Variants in SERPINA10 observed in about 807,000 individuals in gnomAD.
SERPINA10 encodes the protein protein Z-dependent protease inhibitor.
Under a neutral mutation model 28.0 loss-of-function variants are expected in SERPINA10, and 24 were observed. The observed-to-expected ratio is 0.86, with a 90% CI of 0.62 to 1.20. SERPINA10 has a LOEUF of 1.20. Among genes scored for constraint, SERPINA10 ranks in the 50% most tolerant of loss-of-function variants. SERPINA10 has a pLI of 0.00. For synonymous variants in SERPINA10, 207 were observed against 203.9 expected (o/e 1.02, Z -0.13); for missense variants, 521 against 537.7 (o/e 0.97, Z 0.31).
intron 1 of SERPINA10, among the ~76,000 whole-genome samples, chr14:94,292,167 C>T (rs1895194378): frequency 6.6e-6 from 1 of 152,152 alleles, no homozygotes; most frequent in South Asian, 2.1e-4. Flanking sequence ...ATTGTGATGG[C>T]AATAGAGTTG....
intron 1 of SERPINA10, among the ~76,000 whole-genome samples, chr14:94,291,362 C>A (rs181226979): frequency 6.6e-6 from 1 of 152,180 alleles, no homozygotes; most frequent in Admixed American, 6.5e-5. Context: ...TCTCACTGTC[C>A]TAGGCTGCAG....
At chr14:94,286,737 A>G (rs1167094201) in intron 3 of SERPINA10, among the ~76,000 whole-genome samples, 2 of 152,178 alleles carry the variant, frequency 1.3e-5, no homozygotes, top group Non-Finnish European at 2.9e-5. Flanking sequence ...CTTTGAAAAT[A>G]TGTTGCTTGA....
chr14:94,292,098 TTTA>T (rs1428868424), intron 1 of SERPINA10, among the ~76,000 whole-genome samples: 1 of 152,210 alleles, frequency 6.6e-6, no homozygotes, highest in Non-Finnish European at 1.5e-5. Flanking sequence ...GTTTCACGCT[TTTA>T]TTGTTATGGA....
chr14:94,285,295 C>G (rs748353217), intron 4 of SERPINA10, among the ~76,000 whole-genome samples: 15 of 152,108 alleles, frequency 9.9e-5, no homozygotes, highest in Non-Finnish European at 2.1e-4. Context: ...CTCTGGACAA[C>G]AAGCAGTTCC....
At position 94,281,676 on chromosome 14, in the gene SERPINA10, A is replaced by C. The variant is rs1438984149; in HGVS notation, c.*2289T>G. ...TGAGGGAACATTAAAAAGTATATTTAAAATATAGAATAGGTCCATTTTCTA... is the reference window on the plus strand; with the variant it reads ...TGAGGGAACATTAAAAAGTATATTTCAAATATAGAATAGGTCCATTTTCTA... On this transcript the variant is annotated 3_prime_UTR_variant, in exon 5 of 5. Transcript: ENST00000261994. 2 of 152,180 alleles carry C rather than the reference A, an allele frequency of 1.3e-5. No individual in the cohort carries two copies. Among genetic ancestry groups the C allele is most frequent in the Admixed American group, 6.5e-5 (1 of 15,278 alleles). The allele number at this position is 152,180 out of a possible 1,614,324, so 9.4% of individuals were successfully genotyped here.
intron 1 of SERPINA10, among the ~76,000 whole-genome samples, chr14:94,290,995 C>T (rs1394967695): frequency 1.3e-5 from 2 of 152,104 alleles, no homozygotes. Context: ...AATCAGGGGT[C>T]CTCACACACC....
In SERPINA10 at chr14:94,288,233, G is replaced by A. The variant is rs141077048; in HGVS notation, c.992+53C>T. The A allele has an allele frequency of 1.2e-4, 187 of 1,604,788 alleles. No individual in the cohort carries two copies. The East Asian group carries it at 2.0e-3, about 17-fold the overall frequency. The stretch of plus-strand genomic sequence containing the variant: ...TGCATTCAATGAAATTGTGCTGAGC[G>A]TTTGCCAGTACAGAAAGGTAGAGTT... On this transcript the variant is annotated intron_variant, in intron 3 of 4. Transcript: ENST00000261994.
rs1894947122 is a variant in SERPINA10, at chr14:94,283,544, A to G, written c.*421T>C. The G allele has an allele frequency of 4.5e-6, 1 of 221,128 alleles. No homozygotes were observed. Among genetic ancestry groups the G allele is most frequent in the African/African-American group, 2.3e-5 (1 of 43,164 alleles). The allele number at this position is 221,128 out of a possible 1,614,324, so 13.7% of individuals were successfully genotyped here. On this transcript the variant is annotated 3_prime_UTR_variant, in exon 5 of 5. Coordinates refer to ENST00000261994, the MANE Select transcript of SERPINA10 (RefSeq NM_001100607.3). ...AGGATGTGAATTCTCCCCTTGCCCA[A>G]TGTCTCCACACTGTCTATGCTCCTC... is the stretch of plus-strand genomic sequence containing the variant.
chr14:94,292,273 T>G (rs989065117), intron 1 of SERPINA10, among the ~76,000 whole-genome samples: 1 of 151,940 alleles, frequency 6.6e-6, no homozygotes, highest in African/African-American at 2.4e-5. Flanking sequence ...AGAGTCCCCC[T>G]CCGCACCTCC....
At chr14:94,291,924 A>G (rs1003855325) in intron 1 of SERPINA10, among the ~76,000 whole-genome samples, 1 of 152,208 alleles carries the variant, frequency 6.6e-6, no homozygotes, top group Non-Finnish European at 1.5e-5. Context: ...TCTGAACGGC[A>G]CTACCCTCTC....
intron 3 of SERPINA10, among the ~76,000 whole-genome samples, chr14:94,287,664 C>G (rs1294100415): frequency 1.3e-5 from 2 of 152,202 alleles, no homozygotes. Flanking sequence ...CTCAGGAAAG[C>G]CCAAGTCTTT....
At chr14:94,288,223 T>G (rs1230367317) in intron 3 of SERPINA10, 63 bp downstream of exon 3, 1 of 1,601,964 alleles carries the variant, frequency 6.2e-7, no homozygotes, top group East Asian at 2.2e-5. Flanking sequence ...TCAATGAAAT[T>G]GTGCTGAGCG....
chr14:94,288,646 ATC>A (rs1895085574), intron 2 of SERPINA10, 87 bp from the exon 3 acceptor site: 1 of 1,540,522 alleles, frequency 6.5e-7, no homozygotes. Flanking sequence ...GGAGCCTTCT[ATC>A]TCACTTCTCT....
In SERPINA10 at chr14:94,282,472, C is replaced by T. The variant is rs1894924323; in HGVS notation, c.*1493G>A. 1.3e-5 allele frequency: 2 copies of T among 152,076 alleles called. No homozygotes were observed. Among genetic ancestry groups the T allele is most frequent in the Admixed American group, 6.6e-5 (1 of 15,264 alleles). 9.4% of individuals were successfully genotyped at this position (152,076 alleles called of 1,614,324 possible). Reference sequence around the variant, plus strand: ...TTCATGCTTATATTCTGTTTAACCCCCATGGGTAGCTGTAGTGCATGCTGT... The same window carrying T: ...TTCATGCTTATATTCTGTTTAACCCTCATGGGTAGCTGTAGTGCATGCTGT... On this transcript the variant is annotated 3_prime_UTR_variant, in exon 5 of 5. Coordinates refer to ENST00000261994, the MANE Select transcript of SERPINA10 (RefSeq NM_001100607.3).
rs1595561504 is a variant in SERPINA10, at chr14:94,280,994, T to C, written c.*2971A>G. The C allele has an allele frequency of 6.6e-6, 1 of 152,192 alleles. No homozygotes were observed. The highest frequency in any genetic ancestry group is 1.9e-4 in the East Asian group (1 of 5,196). 9.4% of individuals were successfully genotyped at this position (152,192 alleles called of 1,614,324 possible). A position where few individuals can be genotyped will look rare whatever the true frequency, so the allele number is the denominator to read the frequency against. On this transcript the variant is annotated 3_prime_UTR_variant, in exon 5 of 5. Coordinates refer to ENST00000261994, the MANE Select transcript of SERPINA10 (RefSeq NM_001100607.3). ...AGTGGATATATGAGAAATCTTTGAA[T>C]TGAAATGAAACAGGCTCTTCAGCTG... is the stretch of plus-strand genomic sequence containing the variant.
At chr14:94,286,645 G>A (rs1895032121) in intron 3 of SERPINA10, among the ~76,000 whole-genome samples, 1 of 152,176 alleles carries the variant, frequency 6.6e-6, no homozygotes, top group Admixed American at 6.5e-5. Context: ...GGATGGGGAG[G>A]GGAGCAAAGA....
At chr14:94,288,625 A>G (rs978619265) in intron 2 of SERPINA10, 66 bp from the exon 3 acceptor site, 2 of 1,596,100 alleles carry the variant, frequency 1.3e-6, no homozygotes, top group Admixed American at 1.7e-5. Flanking sequence ...TCTTGCTCAA[A>G]TAATAGAGAG....
intron 3 of SERPINA10, 104 bp from the exon 4 acceptor site, chr14:94,286,362 G>A (rs1374576725): frequency 8.0e-7 from 1 of 1,253,016 alleles, no homozygotes. Context: ...CCATTAATGA[G>A]TCTTTCAGTT....
intron 3 of SERPINA10, among the ~76,000 whole-genome samples, chr14:94,287,168 C>T (rs1895046413): frequency 6.6e-6 from 1 of 152,120 alleles, no homozygotes. Flanking sequence ...GTGTTGATGA[C>T]CGAATTTATA....
Sources: gnomAD v4.1 joint callset for allele counts (sites outside exome capture counted in the v4.1 genomes callset) on GRCh38, gnomAD v4.1.1 for gene constraint, MANE v1.5 for transcripts, NCBI Gene and HGNC (gene_info 2026-07-23, HGNC 2026-07-21) for gene names.